LPP: variants seen among roughly 807,000 people sequenced by gnomAD.
The protein encoded by LPP is lipoma-preferred partner.
A neutral mutation model predicts 60.4 loss-of-function variants in LPP; 38 were observed. The observed-to-expected ratio is 0.63, with a 90% CI of 0.49 to 0.83. The LOEUF is 0.83. Among genes scored for constraint, LPP ranks in the 40% least tolerant of loss-of-function variants. The pLI is 0.00. For synonymous variants in LPP, 328 were observed against 290.8 expected (o/e 1.13, Z -1.30); for missense variants, 902 against 783.6 (o/e 1.15, Z -1.80).
chr3:188,395,748 C>T (rs1004174790), intron 3 of LPP, among the ~76,000 whole-genome samples: 1 of 150,400 alleles, frequency 6.6e-6, no homozygotes, highest in African/African-American at 2.5e-5. Context: ...CCTGTCTTTA[C>T]AAAAAAAATT....
intron 9 of LPP, among the ~76,000 whole-genome samples, chr3:188,809,611 T>G (rs957452316): frequency 2.0e-5 from 3 of 152,176 alleles, no homozygotes; most frequent in African/African-American, 7.2e-5. Context: ...TTGCAAAAAT[T>G]TTCTCCCTTT....
chr3:188,513,124 G>T (rs1326025453), intron 5 of LPP, among the ~76,000 whole-genome samples: 1 of 152,114 alleles, frequency 6.6e-6, no homozygotes, highest in Non-Finnish European at 1.5e-5. Context: ...AAATATCCAT[G>T]ATCCTAGATG....
intron 2 of LPP, among the ~76,000 whole-genome samples, chr3:188,322,756 T>C (rs1757307758): frequency 6.6e-6 from 1 of 152,220 alleles, no homozygotes. Flanking sequence ...TGTATGACTC[T>C]ATGCAAGTAA....
chr3:188,779,543 A>G (rs1464965026), intron 9 of LPP, among the ~76,000 whole-genome samples: 1 of 151,966 alleles, frequency 6.6e-6, no homozygotes, highest in Non-Finnish European at 1.5e-5. Context: ...TTTACAAAAG[A>G]TACAAACAGA....
At chr3:188,568,958 T>C (rs901282104) in intron 6 of LPP, 4 of 151,852 alleles carry the variant, frequency 2.6e-5, no homozygotes, top group African/African-American at 9.7e-5. Context: ...ACAATGAAGA[T>C]TGAGGTCAGC....
At chr3:188,751,944 A>T (rs559136365) in intron 8 of LPP, among the ~76,000 whole-genome samples, 1 of 152,312 alleles carries the variant, frequency 6.6e-6, no homozygotes, top group East Asian at 1.9e-4. Context: ...TGATAAATAT[A>T]AATCTTAACC....
intron 2 of LPP, among the ~76,000 whole-genome samples, chr3:188,287,324 G>C (rs1203642146): frequency 6.6e-6 from 1 of 152,232 alleles, no homozygotes; most frequent in Non-Finnish European, 1.5e-5. Flanking sequence ...GCAGCCCATG[G>C]AGGCTTCTCA....
chr3:188,227,635 T>C (rs1718311596), intron 2 of LPP, among the ~76,000 whole-genome samples: 1 of 152,128 alleles, frequency 6.6e-6, no homozygotes, highest in Non-Finnish European at 1.5e-5. Flanking sequence ...CAGGCACAGT[T>C]TGAACAGGAC....
intron 2 of LPP, among the ~76,000 whole-genome samples, chr3:188,252,500 G>T (rs557578645): frequency 6.6e-6 from 1 of 151,812 alleles, no homozygotes; most frequent in Non-Finnish European, 1.5e-5. Flanking sequence ...AAATGGGTAT[G>T]CTGGGTTAAG....
intron 6 of LPP, among the ~76,000 whole-genome samples, chr3:188,532,933 A>T (rs114270507): frequency 3.9e-5 from 6 of 152,152 alleles, no homozygotes; most frequent in African/African-American, 1.4e-4. Flanking sequence ...TTAATTCCTC[A>T]CTTTAAAAAC....
At chr3:188,873,002 A>G (rs919759049) in intron 11 of LPP, among the ~76,000 whole-genome samples, 4 of 152,204 alleles carry the variant, frequency 2.6e-5, no homozygotes, top group Admixed American at 1.3e-4. Flanking sequence ...AACTCCTCCA[A>G]ATATGGCTGT....
intron 9 of LPP, among the ~76,000 whole-genome samples, chr3:188,807,472 A>G (rs1361082175): frequency 6.6e-6 from 1 of 151,816 alleles, no homozygotes; most frequent in Admixed American, 6.6e-5. Flanking sequence ...TGTTGCCTTC[A>G]TTCTTTTATA....
At chr3:188,460,942 TAGAG>T (rs1321893079) in intron 4 of LPP, among the ~76,000 whole-genome samples, 2 of 152,232 alleles carry the variant, frequency 1.3e-5, no homozygotes, top group Admixed American at 6.5e-5. Context: ...CCAGCCAAGA[TAGAG>T]AGAGAACTAG....
In LPP at chr3:188,609,308, G is replaced by C. The variant is rs763711423; in HGVS notation, c.577G>C (p.Val193Leu). 5.0e-6 allele frequency: 8 copies of C among 1,614,006 alleles called. No individual in the cohort carries two copies. The highest frequency in any genetic ancestry group is 1.6e-4 in the Middle Eastern group (1 of 6,062). Reference protein sequence around the residue: ...QPAPQAGPIPVAPIGTLKPQP... With the variant: ...QPAPQAGPIPLAPIGTLKPQP... ...TGCACCCCAGGCTGGACCCATCCCT[G>C]TGGCTCCAATCGGAACACTCAAACC... The change falls in exon 7 of 12, where the codon GTG (valine) becomes CTG (leucine). Residue 193 changes from valine to leucine, a missense_variant. Physicochemically the swap from Val to Leu is conservative, Grantham distance 32. Transcript: ENST00000617246. The surrounding 1 kb of genome is among the most constrained non-coding windows in gnomAD (Gnocchi z 6.9).
At chr3:188,253,380 T>G (rs528442424) in intron 2 of LPP, among the ~76,000 whole-genome samples, 108 of 152,334 alleles carry the variant, frequency 7.1e-4, no homozygotes, top group Non-Finnish European at 1.4e-3. Flanking sequence ...AGTTTCATTT[T>G]TCACATTTAG....
chr3:188,883,732 C>CTAAAAAAA lies in LPP; in HGVS notation c.*9253_*9254insTAAAAAAA. 1.5e-5 allele frequency: 1 copy of CTAAAAAAA among 67,396 alleles called. No homozygotes were observed. The highest frequency in any genetic ancestry group is 2.6e-5 in the Non-Finnish European group (1 of 39,070). The allele number at this position is 67,396 out of a possible 1,614,324, so 4.2% of individuals were successfully genotyped here. On this transcript the variant is annotated 3_prime_UTR_variant, in exon 12 of 12. Transcript: ENST00000617246. ...TGGGCGACAGAACGAGACTCCGTCT[C>CTAAAAAAA]AAAAAAAAAAAAAAAAAAAAAAGGT... is the stretch of plus-strand genomic sequence containing the variant.
At chr3:188,873,158 T>C (rs1768602826) in intron 11 of LPP, among the ~76,000 whole-genome samples, 1 of 152,248 alleles carries the variant, frequency 6.6e-6, no homozygotes, top group Non-Finnish European at 1.5e-5. Flanking sequence ...ATTTATTTAT[T>C]TGTTAGCATG....
chr3:188,834,044 CAA>C (rs1757734620), intron 9 of LPP, among the ~76,000 whole-genome samples: 1 of 152,148 alleles, frequency 6.6e-6, no homozygotes, highest in Non-Finnish European at 1.5e-5. Context: ...AAATCTTCCA[CAA>C]AAGTTTCCTT....
At chr3:188,632,701 C>G (rs1191720110) in intron 7 of LPP, among the ~76,000 whole-genome samples, 1 of 152,166 alleles carries the variant, frequency 6.6e-6, no homozygotes, top group Non-Finnish European at 1.5e-5. Flanking sequence ...AAAGGGCTTA[C>G]GTTAACTGTT....
Sources: allele counts gnomAD v4.1 joint callset (sites outside exome capture counted in the v4.1 genomes callset), GRCh38; gene constraint gnomAD v4.1.1; non-coding constraint Gnocchi (gnomAD v3.1); transcripts MANE v1.5; gene names NCBI Gene and HGNC (gene_info 2026-07-23, HGNC 2026-07-21).